Variants in CD46 observed in about 807,000 individuals in gnomAD.
CD46 encodes the protein CD46 molecule.
CD46 carries 30 observed loss-of-function variants against 53.3 expected under a neutral mutation model. The ratio of observed to expected loss-of-function variants is 0.56; its 90% CI spans 0.42 to 0.76. CD46 has a LOEUF of 0.76. CD46 is among the 30% of genes least tolerant of loss of function. The pLI, the probability that CD46 is intolerant of heterozygous loss-of-function variation, is 0.00. For missense variants in CD46, 409 were observed against 463.0 expected, an observed-to-expected ratio of 0.88 and a Z score of 1.07; for synonymous variants, 142 against 152.0, an observed-to-expected ratio of 0.93 and a Z score of 0.48.
chr1:207,785,535 C>T, intron 10 of CD46, 84 bp from the exon 11 acceptor site: 1 of 970,410 alleles, frequency 1.0e-6, no homozygotes, highest in Non-Finnish European at 1.7e-6. Flanking sequence ...GAAATGTAAC[C>T]AACATTTATT....
chr1:207,793,555 G>T lies in CD46; in HGVS notation c.*78G>T. The T allele has an allele frequency of 6.2e-7, 1 of 1,614,046 alleles. No individual in the cohort carries two copies. The highest frequency in any genetic ancestry group is 1.1e-5 in the South Asian group (1 of 91,076). Reference sequence around the variant, plus strand: ...GTGGAGCTGAATATGCCACTTACCAGACTAAATCAACCACTCCAGCAGAGC... The same window carrying T: ...GTGGAGCTGAATATGCCACTTACCATACTAAATCAACCACTCCAGCAGAGC... On this transcript the variant is annotated 3_prime_UTR_variant, in exon 13 of 13. Coordinates refer to ENST00000367042, the MANE Select transcript of CD46 (RefSeq NM_172351.3).
At chr1:207,789,920 AC>A (rs1659636680) in intron 11 of CD46, among the ~76,000 whole-genome samples, 1 of 150,540 alleles carries the variant, frequency 6.6e-6, no homozygotes, top group Non-Finnish European at 1.5e-5. Context: ...AGAGACCGGT[AC>A]CATTTCTCCC....
intron 12 of CD46, among the ~76,000 whole-genome samples, chr1:207,791,132 A>G (rs1218185632): frequency 6.6e-6 from 1 of 152,220 alleles, no homozygotes; most frequent in Non-Finnish European, 1.5e-5. Context: ...AAGACAAAAC[A>G]TACCAACCAG....
intron 8 of CD46, among the ~76,000 whole-genome samples, chr1:207,780,298 C>T (rs1658609173): frequency 1.3e-5 from 2 of 152,088 alleles, no homozygotes; most frequent in South Asian, 4.2e-4. Flanking sequence ...CACTATTTGT[C>T]CTTTTGTGTG....
In CD46 at chr1:207,752,374, G is replaced by A; in HGVS notation, c.97+65G>A. The A allele has an allele frequency of 3.4e-6, 5 of 1,475,802 alleles. No homozygotes were observed. In the South Asian group the frequency reaches 5.7e-5, roughly 17 times the overall value. The allele number at this position is 1,475,802 out of a possible 1,614,324, so 91.4% of individuals were successfully genotyped here. A position where few individuals can be genotyped will look rare whatever the true frequency, so the allele number is the denominator to read the frequency against. ...TAGAGCTCTCCTCAGTCGGGCAAGA[G>A]TCGCGGGGCGGGGCTCACAGCAGGC... On this transcript the variant is annotated intron_variant, in intron 1 of 12. Coordinates refer to ENST00000367042, the MANE Select transcript of CD46 (RefSeq NM_172351.3). The surrounding 1 kb of genome is among the most constrained non-coding windows in gnomAD (Gnocchi z 4.1).
At position 207,752,951 on chromosome 1, in the gene CD46, G is replaced by GTTC. The variant is rs2102516312; in HGVS notation, c.97+643_97+644insTCT. Among the ~76,000 whole-genome samples the GTTC allele has an allele frequency of 6.6e-6, 1 of 152,194 alleles. No individual in the cohort carries two copies. Among genetic ancestry groups the GTTC allele is most frequent in the South Asian group, 2.1e-4 (1 of 4,824 alleles). ...TCTGGGGCTAGGGAGGGCATGTTGA[G>GTTC]TGAGAGCAGGCTCTCGGTGCCTGGG... is the stretch of plus-strand genomic sequence containing the variant. On this transcript the variant is annotated intron_variant, in intron 1 of 12. Transcript: ENST00000367042. This position sits in a 1 kb window ranked among gnomAD's most constrained non-coding sequence, Gnocchi z 4.1.
At chr1:207,792,927 TAA>T (rs1659934978) in intron 12 of CD46, among the ~76,000 whole-genome samples, 1 of 152,252 alleles carries the variant, frequency 6.6e-6, no homozygotes, top group East Asian at 1.9e-4. Flanking sequence ...TTTATGTTTT[TAA>T]AAGTGGCTTC....
Position 207,752,135 on chromosome 1 carries a change from G to C in CD46, c.-78G>C. 7.5e-7 allele frequency: 1 copy of C among 1,330,532 alleles called. No individual in the cohort carries two copies. The highest frequency in any genetic ancestry group is 1.8e-4 in the Middle Eastern group (1 of 5,504). 82.4% of individuals were successfully genotyped at this position (1,330,532 alleles called of 1,614,324 possible). A position where few individuals can be genotyped will look rare whatever the true frequency, so the allele number is the denominator to read the frequency against. ...TTGTTGCGTCCCATATCTGGACCCAGAAGGGACTTCCCTGCTCGGCTGGCT... is the reference window on the plus strand; with the variant it reads ...TTGTTGCGTCCCATATCTGGACCCACAAGGGACTTCCCTGCTCGGCTGGCT... On this transcript the variant is annotated 5_prime_UTR_variant, in exon 1 of 13. Coordinates refer to ENST00000367042, the MANE Select transcript of CD46 (RefSeq NM_172351.3). This position sits in a 1 kb window ranked among gnomAD's most constrained non-coding sequence, Gnocchi z 4.1.
In CD46 at chr1:207,752,910, T is replaced by G. The variant is rs1390094840; in HGVS notation, c.97+601T>G. Among the ~76,000 whole-genome samples the G allele has an allele frequency of 2.0e-5, 3 of 151,636 alleles. No individual in the cohort carries two copies. Among genetic ancestry groups the G allele is most frequent in the Non-Finnish European group, 2.9e-5 (2 of 67,886 alleles). ...AGACAGCTCAACTGTTTGCTTTGAATGGAGTGAGCGCGGACTCTGGGGCTA... is the reference window on the plus strand; with the variant it reads ...AGACAGCTCAACTGTTTGCTTTGAAGGGAGTGAGCGCGGACTCTGGGGCTA... On this transcript the variant is annotated intron_variant, in intron 1 of 12. Coordinates refer to ENST00000367042, the MANE Select transcript of CD46 (RefSeq NM_172351.3). This position sits in a 1 kb window ranked among gnomAD's most constrained non-coding sequence, Gnocchi z 4.1.
At chr1:207,791,594 C>T (rs1659803915) in intron 12 of CD46, among the ~76,000 whole-genome samples, 1 of 152,190 alleles carries the variant, frequency 6.6e-6, no homozygotes, top group Non-Finnish European at 1.5e-5. Flanking sequence ...CAGAATGGCA[C>T]ACAATCTAAA....
chr1:207,754,453 A>G (rs898031849), intron 1 of CD46, among the ~76,000 whole-genome samples: 2 of 152,144 alleles, frequency 1.3e-5, no homozygotes, highest in Non-Finnish European at 2.9e-5. Context: ...TCACCCTTTT[A>G]AAATGACCTT....
chr1:207,772,672 TGTTA>T lies in CD46; in HGVS notation c.943+2314_943+2317del, dbSNP rs1169181654. On this transcript the variant is annotated intron_variant, in intron 8 of 12. Coordinates refer to ENST00000367042, the MANE Select transcript of CD46 (RefSeq NM_172351.3). ...ATTGAAATAGTCATGTGGTTTTTGT[TGTTA>T]GTTCTGTTTTTGTGATGGATTATGT... 3.9e-5 allele frequency among the ~76,000 whole-genome samples: 6 copies of T among 152,286 alleles called. No homozygotes were observed. In the South Asian group the frequency reaches 6.2e-4, roughly 16 times the overall value.
At chr1:207,792,490 T>C (rs1266907469) in intron 12 of CD46, among the ~76,000 whole-genome samples, 1 of 152,160 alleles carries the variant, frequency 6.6e-6, no homozygotes, top group Non-Finnish European at 1.5e-5. Context: ...TTTTGAATTT[T>C]TGCAGTCAGA....
In CD46 at chr1:207,794,255, C is replaced by G. The variant is rs1312658412; in HGVS notation, c.*778C>G. On this transcript the variant is annotated 3_prime_UTR_variant, in exon 13 of 13. Transcript: ENST00000367042. ...TTTTCACTTTTTAAAACATCCCTAA[C>G]TGATCGAATATATCAGTAATTTCAG... is the stretch of plus-strand genomic sequence containing the variant. The G allele has an allele frequency of 2.0e-5, 3 of 152,670 alleles. No individual in the cohort carries two copies. The highest frequency in any genetic ancestry group is 4.8e-5 in the African/African-American group (2 of 41,448). 9.5% of individuals were successfully genotyped at this position (152,670 alleles called of 1,614,324 possible).
chr1:207,763,347 G>T (rs1365522940), intron 5 of CD46: 1 of 152,356 alleles, frequency 6.6e-6, no homozygotes, highest in African/African-American at 2.4e-5. Flanking sequence ...CCCCAGCCTT[G>T]CTGGCTCCTC....
chr1:207,793,624 T>A lies in CD46; in HGVS notation c.*147T>A, dbSNP rs1201545810. On this transcript the variant is annotated 3_prime_UTR_variant, in exon 13 of 13. Transcript: ENST00000367042. ...CCACAACCTGGTTTGCCAGTTCATC[T>A]TTTGACTCTATTAAAATCTTCAATA... 1 of 1,552,456 alleles carries A rather than the reference T, an allele frequency of 6.4e-7. No homozygotes were observed. The highest frequency in any genetic ancestry group is 1.7e-5 in the Admixed American group (1 of 59,862).
intron 7 of CD46, 84 bp from the exon 8 acceptor site, chr1:207,770,237 T>TA: frequency 9.9e-7 from 1 of 1,005,452 alleles, no homozygotes; most frequent in Non-Finnish European, 1.6e-6. Context: ...TTGATAAACT[T>TA]AAAAAATCAA....
At chr1:207,773,166 AT>A (rs1657704719) in intron 8 of CD46, among the ~76,000 whole-genome samples, 1 of 152,022 alleles carries the variant, frequency 6.6e-6, no homozygotes, top group Non-Finnish European at 1.5e-5. Flanking sequence ...TTGCTTCTAG[AT>A]TTTCTAGCTT....
chr1:207,785,971 C>G (rs1049346248), intron 11 of CD46: 5 of 346,482 alleles, frequency 1.4e-5, no homozygotes, highest in Non-Finnish European at 2.7e-5. Context: ...TCATGGACCA[C>G]TCACTATGAG....
Sources: allele counts gnomAD v4.1 joint callset (sites outside exome capture counted in the v4.1 genomes callset), GRCh38; gene constraint gnomAD v4.1.1; non-coding constraint Gnocchi (gnomAD v3.1); transcripts MANE v1.5; gene names NCBI Gene and HGNC (gene_info 2026-07-23, HGNC 2026-07-21).